The following FAS variants were observed in gnomAD, a reference collection of about 807,000 sequenced individuals.
FAS encodes tumor necrosis factor receptor superfamily member 6.
In FAS, 5 loss-of-function variants were observed where a neutral mutation model predicts 33.2. The ratio of observed to expected loss-of-function variants is 0.15; its 90% CI spans 0.08 to 0.32. FAS has a LOEUF of 0.32. Ranked by LOEUF, FAS falls within the 10% of genes least tolerant of loss-of-function variation. FAS has a pLI of 1.00. For synonymous variants in FAS, 131 were observed against 130.7 expected (o/e 1.00, Z -0.01); for missense variants, 339 against 386.0 (o/e 0.88, Z 1.02).
chr10:89,014,651 A>G lies in FAS; in HGVS notation c.*201A>G, dbSNP rs1564700444. The G allele has an allele frequency of 2.8e-6, 2 of 707,104 alleles. No homozygotes were observed. Among genetic ancestry groups the G allele is most frequent in the Admixed American group, 4.0e-5 (2 of 49,640 alleles). The allele number at this position is 707,104 out of a possible 1,614,324, so 43.8% of individuals were successfully genotyped here. A position where few individuals can be genotyped will look rare whatever the true frequency, so the allele number is the denominator to read the frequency against. ...GTTTAAAATCTAGTTGGGAAAACAAACTTCATCAAGAGTAAATGCAGTGGC... is the reference window on the plus strand; with the variant it reads ...GTTTAAAATCTAGTTGGGAAAACAAGCTTCATCAAGAGTAAATGCAGTGGC... On this transcript the variant is annotated 3_prime_UTR_variant, in exon 9 of 9. Transcript: ENST00000652046.
chr10:89,008,828 A>G, intron 3 of FAS, 61 bp from the exon 4 acceptor site: 7 of 1,511,922 alleles, frequency 4.6e-6, no homozygotes, highest in Non-Finnish European at 6.4e-6. Context: ...CCTGCCCACC[A>G]TTTTCATAGT....
intron 1 of FAS, among the ~76,000 whole-genome samples, chr10:89,001,240 T>C (rs1847912099): frequency 6.6e-6 from 1 of 150,520 alleles, no homozygotes; most frequent in Non-Finnish European, 1.5e-5. Flanking sequence ...TGCTGAGGGC[T>C]GTCATTTCTC....
chr10:89,014,756 A>G lies in FAS; in HGVS notation c.*306A>G. On this transcript the variant is annotated 3_prime_UTR_variant, in exon 9 of 9. Transcript: ENST00000652046. ...TCTGGCATCTAACATATGATTCTGT[A>G]GTATGAATGTAATCAGTGTATGTTA... 1.7e-6 allele frequency: 1 copy of G among 578,076 alleles called. No homozygotes were observed. The highest frequency in any genetic ancestry group is 3.3e-6 in the Non-Finnish European group (1 of 306,562). The allele number at this position is 578,076 out of a possible 1,614,324, so 35.8% of individuals were successfully genotyped here. A position where few individuals can be genotyped will look rare whatever the true frequency, so the allele number is the denominator to read the frequency against.
intron 1 of FAS, among the ~76,000 whole-genome samples, chr10:88,971,491 T>C (rs1846446746): frequency 6.6e-6 from 1 of 152,206 alleles, no homozygotes; most frequent in Admixed American, 6.5e-5. Context: ...TAAGAATGAG[T>C]GGCAGACATA....
chr10:89,006,632 C>A (rs957134480), intron 2 of FAS, among the ~76,000 whole-genome samples: 2 of 152,124 alleles, frequency 1.3e-5, no homozygotes, highest in African/African-American at 4.8e-5. Flanking sequence ...ATTCCCTTAC[C>A]TTCATCTAGC....
In FAS at chr10:89,015,923, T is replaced by C. The variant is rs1414504930; in HGVS notation, c.*1473T>C. 3.5e-6 allele frequency: 1 copy of C among 285,908 alleles called. No homozygotes were observed. Among genetic ancestry groups the C allele is most frequent in the Non-Finnish European group, 6.7e-6 (1 of 149,100 alleles). The allele number at this position is 285,908 out of a possible 1,614,324, so 17.7% of individuals were successfully genotyped here. A position where few individuals can be genotyped will look rare whatever the true frequency, so the allele number is the denominator to read the frequency against. On this transcript the variant is annotated 3_prime_UTR_variant, in exon 9 of 9. Transcript: ENST00000652046. ...ACTTCCTTTTTAACCTTAACCCTTT[T>C]AGTAGTTAAATAATTATTTCCATAG...
At chr10:88,998,071 G>T (rs934080855) in intron 1 of FAS, among the ~76,000 whole-genome samples, 2 of 152,306 alleles carry the variant, frequency 1.3e-5, no homozygotes, top group Non-Finnish European at 2.9e-5. Context: ...AGAATCAAGA[G>T]ACTATAGTTC....
intron 1 of FAS, among the ~76,000 whole-genome samples, chr10:88,994,748 T>C (rs891617025): frequency 4.6e-5 from 7 of 151,854 alleles, no homozygotes; most frequent in African/African-American, 1.7e-4. Context: ...TTTTATCTCA[T>C]ATTTTTTATT....
At chr10:88,983,626 AAAAAAAAAAAAAACAC>A (rs1425062947), upstream of FAS, among the ~76,000 whole-genome samples, 2 of 147,456 alleles carry the variant, frequency 1.4e-5, no homozygotes, top group Non-Finnish European at 3.0e-5. Context: ...AAAAAAAAAA[AAAAAAAAAAAAAACAC>A]ACACACACAC....
intron 1 of FAS, among the ~76,000 whole-genome samples, chr10:88,969,069 T>C (rs1213042897): frequency 6.6e-6 from 1 of 151,928 alleles, no homozygotes; most frequent in Non-Finnish European, 1.5e-5. Context: ...GTTATCTGGG[T>C]TGTATTACAA....
chr10:89,010,902 C>G lies in FAS; in HGVS notation c.568+87C>G, dbSNP rs1407409381. On this transcript the variant is annotated intron_variant, in intron 6 of 8. Transcript: ENST00000652046. ...TTGCCTCATTCTTACCTATAAAAAG[C>G]TACCACTTTGGTAGATTTATGTATT... The G allele has an allele frequency of 8.2e-6, 12 of 1,471,016 alleles. No homozygotes were observed. The Admixed American group carries it at 2.0e-4, about 25-fold the overall frequency. The allele number at this position is 1,471,016 out of a possible 1,614,324, so 91.1% of individuals were successfully genotyped here. A position where few individuals can be genotyped will look rare whatever the true frequency, so the allele number is the denominator to read the frequency against.
At chr10:88,991,155 C>T (rs985183585) in intron 1 of FAS, 2 of 596,156 alleles carry the variant, frequency 3.4e-6, no homozygotes, top group East Asian at 2.8e-5. Flanking sequence ...GTGCTGACCC[C>T]GCTGGGCAGG....
chr10:88,969,119 CA>C (rs1846376777), intron 1 of FAS, among the ~76,000 whole-genome samples: 1 of 152,096 alleles, frequency 6.6e-6, no homozygotes, highest in South Asian at 2.1e-4. Context: ...ATACTCAAGA[CA>C]AACACTTTTA....
At chr10:88,967,069 A>C (rs1189775985) in intron 1 of FAS, among the ~76,000 whole-genome samples, 1 of 152,228 alleles carries the variant, frequency 6.6e-6, no homozygotes, top group Non-Finnish European at 1.5e-5. Flanking sequence ...TAGCCCCTAG[A>C]AAAGAAAGTG....
At chr10:88,976,301 C>T (rs991224755) in intron 2 of FAS, among the ~76,000 whole-genome samples, 4 of 152,102 alleles carry the variant, frequency 2.6e-5, no homozygotes, top group East Asian at 1.9e-4. Flanking sequence ...ATGTGGCCCA[C>T]GGGCCGTGGG....
At chr10:89,014,051 A>C in intron 8 of FAS, 68 bp from the exon 9 acceptor site, 2 of 1,496,288 alleles carry the variant, frequency 1.3e-6, no homozygotes, top group Non-Finnish European at 1.8e-6. Context: ...AAGAGAAATA[A>C]ACATGGTTTT....
chr10:89,009,658 C>G (rs1308103733), intron 4 of FAS, among the ~76,000 whole-genome samples: 1 of 152,092 alleles, frequency 6.6e-6, no homozygotes, highest in Non-Finnish European at 1.5e-5. Context: ...AGGAGTTCAT[C>G]TAATAGGCTT....
rs1589493231 is a variant in FAS, at chr10:89,014,894, C to A, written c.*444C>A. The A allele has an allele frequency of 5.6e-6, 3 of 535,948 alleles. No individual in the cohort carries two copies. Among genetic ancestry groups the A allele is most frequent in the African/African-American group, 1.9e-5 (1 of 54,034 alleles). 33.2% of individuals were successfully genotyped at this position (535,948 alleles called of 1,614,324 possible). On this transcript the variant is annotated 3_prime_UTR_variant, in exon 9 of 9. Transcript: ENST00000652046. ...GGCAGGCCACTTTGCCTCTAAATTA[C>A]CTCTGATAATTCTAGAGATTTTACC...
rs1198521814 is a variant in FAS, at chr10:88,998,219, CCTT to C, written c.31-4806_31-4804del. 2.6e-5 allele frequency among the ~76,000 whole-genome samples: 4 copies of C among 152,008 alleles called. No homozygotes were observed. The East Asian group carries it at 7.7e-4, about 29-fold the overall frequency. On this transcript the variant is annotated intron_variant, in intron 1 of 8. Transcript: ENST00000652046. Reference sequence around the variant, plus strand: ...AGGATCTGTTCAGGCTTGTAGATGGCCTTCTTTTCCATGTGTCTTCACATTATC... The same window carrying C: ...AGGATCTGTTCAGGCTTGTAGATGGCCTTTTCCATGTGTCTTCACATTATC...
Sources: allele counts gnomAD v4.1 joint callset (sites outside exome capture counted in the v4.1 genomes callset), GRCh38; gene constraint gnomAD v4.1.1; transcripts MANE v1.5; gene names NCBI Gene and HGNC (gene_info 2026-07-23, HGNC 2026-07-21).